PCDHGB7: variants seen among roughly 807,000 people sequenced by gnomAD.
PCDHGB7 encodes protocadherin gamma subfamily B, 7.
PCDHGB7 carries 37 observed loss-of-function variants against 61.4 expected under a neutral mutation model. The observed-to-expected ratio is 0.60, with a 90% CI of 0.46 to 0.79. The LOEUF (loss-of-function observed/expected upper bound fraction) is 0.79. Among genes scored for constraint, PCDHGB7 ranks in the 30% least tolerant of loss-of-function variants. PCDHGB7 has a pLI of 0.00. For missense variants in PCDHGB7, 1,166 were observed against 1,202.5 expected (o/e 0.97, Z 0.45); for synonymous variants, 464 against 503.5 (o/e 0.92, Z 1.05).
rs1007318194 is a variant in PCDHGB7, at chr5:141,512,035, T to G, written c.*862T>G. On this transcript the variant is annotated 3_prime_UTR_variant, in exon 4 of 4. Coordinates refer to ENST00000398594, the MANE Select transcript of PCDHGB7 (RefSeq NM_018927.4). ...AAGTTATCAAGGCCTTGGAGGAGGC[T>G]CTGTATGTCCTCAGGGGACTGACAA... 1.3e-5 allele frequency: 2 copies of G among 152,870 alleles called. No individual in the cohort carries two copies. Among genetic ancestry groups the G allele is most frequent in the African/African-American group, 4.8e-5 (2 of 41,464 alleles). The allele number at this position is 152,870 out of a possible 1,614,324, so 9.5% of individuals were successfully genotyped here.
At chr5:141,446,798 T>C (rs1223789118) in intron 1 of PCDHGB7, among the ~76,000 whole-genome samples, 1 of 152,160 alleles carries the variant, frequency 6.6e-6, no homozygotes, top group Non-Finnish European at 1.5e-5. Flanking sequence ...AGTTCTTCCA[T>C]TGTGATCATC....
In PCDHGB7 at chr5:141,511,477, C is replaced by A; in HGVS notation, c.*304C>A. 2.1e-6 allele frequency: 1 copy of A among 482,262 alleles called. No homozygotes were observed. The allele number at this position is 482,262 out of a possible 1,614,324, so 29.9% of individuals were successfully genotyped here. A position where few individuals can be genotyped will look rare whatever the true frequency, so the allele number is the denominator to read the frequency against. On this transcript the variant is annotated 3_prime_UTR_variant, in exon 4 of 4. Coordinates refer to ENST00000398594, the MANE Select transcript of PCDHGB7 (RefSeq NM_018927.4). ...TTTGCCACACCCCGTTTAGTTACAG[C>A]TGAACTCCTCCATCTTCCAAATCAA...
intron 1 of PCDHGB7, among the ~76,000 whole-genome samples, chr5:141,456,303 G>A (rs941370138): frequency 6.6e-6 from 1 of 152,156 alleles, no homozygotes; most frequent in Non-Finnish European, 1.5e-5. Flanking sequence ...ATGGAGAACA[G>A]CAGCTAGGGC....
intron 1 of PCDHGB7, chr5:141,440,130 A>G (rs1222064545): frequency 6.6e-6 from 1 of 152,282 alleles, no homozygotes; most frequent in African/African-American, 2.4e-5. Context: ...TGAATGGATC[A>G]GGAGCAGATA....
At chr5:141,496,583 C>A (rs990137003) in intron 2 of PCDHGB7, among the ~76,000 whole-genome samples, 1 of 152,168 alleles carries the variant, frequency 6.6e-6, no homozygotes, top group African/African-American at 2.4e-5. Flanking sequence ...TTTAGGAACG[C>A]AAAGCGCTTC....
chr5:141,421,829 T>C, intron 1 of PCDHGB7: 1 of 1,613,784 alleles, frequency 6.2e-7, no homozygotes, highest in Non-Finnish European at 8.5e-7. Flanking sequence ...GAGGGAAGCC[T>C]GGACCGAGAG....
intron 3 of PCDHGB7, among the ~76,000 whole-genome samples, chr5:141,508,649 C>T (rs1303066200): frequency 6.6e-6 from 1 of 152,126 alleles, no homozygotes; most frequent in Non-Finnish European, 1.5e-5. Flanking sequence ...CCGTCAGGCC[C>T]TTCCTGTCAT....
At chr5:141,475,762 G>A (rs4151701) in intron 1 of PCDHGB7, among the ~76,000 whole-genome samples, 9,255 of 152,346 alleles carry the variant, frequency 0.061, 562 homozygotes, top group African/African-American at 0.16. Context: ...CACCGATACT[G>A]GCAAGGCGCT....
chr5:141,425,394 G>T (rs186813737), intron 1 of PCDHGB7, among the ~76,000 whole-genome samples: 10 of 152,302 alleles, frequency 6.6e-5, no homozygotes, highest in African/African-American at 2.4e-4. Context: ...TAGTGATAAA[G>T]TTCTGTTAAG....
rs565813908 is a variant in PCDHGB7 at position 141,503,968 on chromosome 5, G to A, written c.2475-1425G>A. Among the ~76,000 whole-genome samples, 14 of 152,182 alleles carry A rather than the reference G, an allele frequency of 9.2e-5. No homozygotes were observed. The South Asian group carries it at 2.7e-3, about 29-fold the overall frequency. ...GGCCTACCCTACAGCCTTTCCCATG[G>A]TGCCAAACCCTTCTTCTTACCTTAC... On this transcript the variant is annotated intron_variant, in intron 2 of 3. Transcript: ENST00000398594.
At chr5:141,471,637 T>C (rs1284100810) in intron 1 of PCDHGB7, 2 of 152,198 alleles carry the variant, frequency 1.3e-5, no homozygotes, top group Non-Finnish European at 2.9e-5. Context: ...TATGGATTAG[T>C]AATATACTGG....
At chr5:141,447,725 C>G (rs1009407606) in intron 1 of PCDHGB7, among the ~76,000 whole-genome samples, 4 of 152,174 alleles carry the variant, frequency 2.6e-5, no homozygotes, top group African/African-American at 9.7e-5. Context: ...TTTTCCAAAA[C>G]TCATTGAACT....
At chr5:141,479,866 A>G (rs1020197891) in intron 1 of PCDHGB7, among the ~76,000 whole-genome samples, 2 of 152,204 alleles carry the variant, frequency 1.3e-5, no homozygotes, top group African/African-American at 2.4e-5. Context: ...TTTGCCCTGG[A>G]GAGAACCCTA....
At position 141,423,166 on chromosome 5, in the gene PCDHGB7, G is replaced by A. The variant is rs367805855; in HGVS notation, c.2415+2892G>A. ...GCTCAAGCAGAGCCTCGTGGTGGCC[G>A]TCCAGGACCACGGCCAGCCCCCTCT... On this transcript the variant is annotated intron_variant, in intron 1 of 3. Transcript: ENST00000398594. 2.4e-5 allele frequency: 38 copies of A among 1,613,476 alleles called. No individual in the cohort carries two copies. The South Asian group carries it at 2.5e-4, about 11-fold the overall frequency.
chr5:141,422,661 C>T (rs1289162498), intron 1 of PCDHGB7: 7 of 1,608,938 alleles, frequency 4.4e-6, no homozygotes, highest in Admixed American at 1.7e-5. Flanking sequence ...TGACCGCCCT[C>T]GACCCGGACA....
rs539620413 is a variant in PCDHGB7, at chr5:141,488,489, G to GT, written c.2416-6317dup. Among the ~76,000 whole-genome samples the GT allele has an allele frequency of 1.6e-4, 25 of 152,268 alleles. No homozygotes were observed. In the South Asian group the frequency reaches 4.6e-3, roughly 28 times the overall value. On this transcript the variant is annotated intron_variant, in intron 1 of 3. Transcript: ENST00000398594. ...AGAAATGTTCCCCTACCCAAAAACT[G>GT]TAACACTCATTCCACATTTGGGGTC...
intron 2 of PCDHGB7, among the ~76,000 whole-genome samples, chr5:141,498,091 C>G (rs2099781521): frequency 6.6e-6 from 1 of 152,156 alleles, no homozygotes; most frequent in African/African-American, 2.4e-5. Context: ...AGAATTGTAT[C>G]TGGTGGTGTG....
intron 1 of PCDHGB7, among the ~76,000 whole-genome samples, chr5:141,453,216 C>T (rs565229516): frequency 8.5e-5 from 13 of 152,080 alleles, no homozygotes; most frequent in Non-Finnish European, 1.0e-4. Context: ...TGCACTTAAG[C>T]GATCCTCCCA....
intron 1 of PCDHGB7, among the ~76,000 whole-genome samples, chr5:141,433,664 C>G (rs1027404017): frequency 6.6e-6 from 1 of 151,966 alleles, no homozygotes; most frequent in South Asian, 2.1e-4. Flanking sequence ...GGAGAAACCC[C>G]GTCTATACTA....
Sources: gnomAD v4.1 joint callset for allele counts (sites outside exome capture counted in the v4.1 genomes callset) on GRCh38, gnomAD v4.1.1 for gene constraint, MANE v1.5 for transcripts, NCBI Gene and HGNC (gene_info 2026-07-23, HGNC 2026-07-21) for gene names.